The following DLAT variants were observed in gnomAD, a reference collection of about 807,000 sequenced individuals.
DLAT encodes the protein dihydrolipoyllysine-residue acetyltransferase component of pyruvate dehydrogenase complex, mitochondrial.
Under a neutral mutation model 68.0 loss-of-function variants are expected in DLAT, and 43 were observed. That is an observed-to-expected ratio of 0.63 (90% CI 0.50 to 0.81). DLAT has a LOEUF of 0.81. Among genes scored for constraint, DLAT ranks in the 40% least tolerant of loss-of-function variants. The probability of loss-of-function intolerance (pLI) is 0.00; values close to 1 mark genes in which losing one functional copy is unlikely to be tolerated. For synonymous variants in DLAT, 265 were observed against 288.6 expected (o/e 0.92, Z 0.83); for missense variants, 745 against 815.4 (o/e 0.91, Z 1.05).
chr11:112,039,561 CCA>C (rs1200511822), intron 7 of DLAT, among the ~76,000 whole-genome samples, 164 bp downstream of exon 7: 2 of 152,184 alleles, frequency 1.3e-5, no homozygotes, highest in Non-Finnish European at 2.9e-5. Context: ...TTTGTTGCCA[CCA>C]CAGAGTAGGG....
In DLAT at chr11:112,051,868, CAAA is replaced by C. The variant is rs1659822115; in HGVS notation, c.1514+521_1514+523del. 6.6e-6 allele frequency among the ~76,000 whole-genome samples: 1 copy of C among 152,152 alleles called. No individual in the cohort carries two copies. Among genetic ancestry groups the C allele is most frequent in the African/African-American group, 2.4e-5 (1 of 41,434 alleles). On this transcript the variant is annotated intron_variant, in intron 11 of 13. Coordinates refer to ENST00000280346, the MANE Select transcript of DLAT (RefSeq NM_001931.5). The surrounding 1 kb of genome is among the most constrained non-coding windows in gnomAD (Gnocchi z 4.3). Reference sequence around the variant, plus strand: ...TTTTCATTCTCCTGAACTTTACGGGCAAAATTAGAACAGTAATTGTTAATAATA... The same window carrying C: ...TTTTCATTCTCCTGAACTTTACGGGCATTAGAACAGTAATTGTTAATAATA...
At chr11:112,060,644 T>TGTATGTAATTTTGTGTGTG (rs1555183131) in intron 12 of DLAT, among the ~76,000 whole-genome samples, 25 of 152,166 alleles carry the variant, frequency 1.6e-4, no homozygotes, top group Non-Finnish European at 2.2e-4. Flanking sequence ...GTGTATGTTT[T>TGTATGTAATTTTGTGTGTG]TAGTAGTGTC....
chr11:112,045,831 A>G (rs1863286679), intron 9 of DLAT, 32 bp from the exon 10 acceptor site: 3 of 1,414,986 alleles, frequency 2.1e-6, no homozygotes, highest in Admixed American at 3.4e-5. Context: ...TTAACTCAAG[A>G]TAATTGATTT....
At chr11:112,037,219 T>C (rs1488138677) in intron 5 of DLAT, 54 bp from the exon 6 acceptor site, 9 of 1,533,770 alleles carry the variant, frequency 5.9e-6, no homozygotes, top group Non-Finnish European at 7.2e-6. Context: ...GCTGTGAGTT[T>C]GGAGGGATAG....
At chr11:112,026,053 C>G in intron 1 of DLAT, 145 bp from the exon 2 acceptor site, 1 of 792,558 alleles carries the variant, frequency 1.3e-6, no homozygotes, top group South Asian at 1.5e-5. Context: ...TTCTCATGGA[C>G]AGGAACTCCC....
At position 112,039,418 on chromosome 11, in the gene DLAT, T is replaced by C. The variant is rs782461159; in HGVS notation, c.1129+21T>C. The stretch of plus-strand genomic sequence containing the variant: ...AAAAGGTAAATCTGTTTCTATAGAA[T>C]GGACTTTATAAAGTTAAAATTTAGT... On this transcript the variant is annotated intron_variant, in intron 7 of 13. Transcript: ENST00000280346. 5 of 1,613,242 alleles carry C rather than the reference T, an allele frequency of 3.1e-6. No individual in the cohort carries two copies. The South Asian group carries it at 5.5e-5, about 18-fold the overall frequency.
chr11:112,055,804 T>A (rs12576402), intron 11 of DLAT, among the ~76,000 whole-genome samples: 3 of 148,948 alleles, frequency 2.0e-5, no homozygotes, highest in Admixed American at 6.8e-5. Context: ...AGGAATTTTT[T>A]TTTTAATATT....
chr11:112,025,439 C>T lies in DLAT; in HGVS notation c.-34C>T. 2 of 1,600,556 alleles carry T rather than the reference C, an allele frequency of 1.2e-6. No homozygotes were observed. Among genetic ancestry groups the T allele is most frequent in the Non-Finnish European group, 1.7e-6 (2 of 1,176,178 alleles). ...CTTGGAGAGGTCACTCCGGAGACGGCGTTGGTTTTGGGGTGTGGGGGGTTG... is the reference window on the plus strand; with the variant it reads ...CTTGGAGAGGTCACTCCGGAGACGGTGTTGGTTTTGGGGTGTGGGGGGTTG... On this transcript the variant is annotated 5_prime_UTR_variant, in exon 1 of 14. Transcript: ENST00000280346.
chr11:112,043,812 A>G (rs1863164656), intron 8 of DLAT, among the ~76,000 whole-genome samples: 1 of 152,168 alleles, frequency 6.6e-6, no homozygotes, highest in South Asian at 2.1e-4. Flanking sequence ...TCATCTCTAG[A>G]TTACTTATAA....
intron 7 of DLAT, among the ~76,000 whole-genome samples, chr11:112,040,954 C>T (rs1439487175): frequency 4.6e-5 from 7 of 151,830 alleles, no homozygotes; most frequent in Admixed American, 1.3e-4. Flanking sequence ...GAAAATCCCA[C>T]TGTTCTTACT....
At chr11:112,060,930 C>G in intron 12 of DLAT, 108 bp from the exon 13 acceptor site, 1 of 978,574 alleles carries the variant, frequency 1.0e-6, no homozygotes, top group Non-Finnish European at 1.5e-6. Context: ...TCAGGCCTTT[C>G]TTAAGACCTT....
chr11:112,046,563 C>T (rs1195607881), intron 10 of DLAT, among the ~76,000 whole-genome samples: 4 of 151,816 alleles, frequency 2.6e-5, no homozygotes, highest in Non-Finnish European at 5.9e-5. Context: ...TTTGCTGCAC[C>T]CACCAACCCA....
chr11:112,051,196 TAAAA>T lies in DLAT; in HGVS notation c.1399-35_1399-32del, dbSNP rs1863607817. The T allele has an allele frequency of 2.2e-6, 3 of 1,374,874 alleles. No individual in the cohort carries two copies. Among genetic ancestry groups the T allele is most frequent in the Non-Finnish European group, 3.0e-6 (3 of 985,770 alleles). The allele number at this position is 1,374,874 out of a possible 1,614,324, so 85.2% of individuals were successfully genotyped here. On this transcript the variant is annotated intron_variant, in intron 10 of 13. Transcript: ENST00000280346. The surrounding 1 kb of genome is among the most constrained non-coding windows in gnomAD (Gnocchi z 4.3). Reference sequence around the variant, plus strand: ...TGAAACTTAAAATTAAAATTAAAATTAAAAAAGAAGAAACTACAGTTCTTCTTGT... The same window carrying T: ...TGAAACTTAAAATTAAAATTAAAATTAAGAAGAAACTACAGTTCTTCTTGT...
chr11:112,058,762 G>A (rs1416740997), intron 11 of DLAT, among the ~76,000 whole-genome samples: 8 of 151,536 alleles, frequency 5.3e-5, no homozygotes, highest in African/African-American at 1.9e-4. Context: ...ATATCACATT[G>A]TAGTTGTATA....
chr11:112,052,665 T>G (rs587644349), intron 11 of DLAT, among the ~76,000 whole-genome samples: 2 of 152,280 alleles, frequency 1.3e-5, no homozygotes, highest in African/African-American at 4.8e-5. Flanking sequence ...TTAAATCTTG[T>G]TGAAGGGTCT....
intron 2 of DLAT, among the ~76,000 whole-genome samples, chr11:112,027,656 G>C (rs1203410779): frequency 5.9e-5 from 9 of 152,138 alleles, no homozygotes; most frequent in African/African-American, 2.2e-4. Context: ...CCGGCACCTC[G>C]GGAGGCCAAG....
chr11:112,026,865 G>A (rs587616889), intron 2 of DLAT, among the ~76,000 whole-genome samples: 67 of 152,030 alleles, frequency 4.4e-4, no homozygotes, highest in African/African-American at 1.6e-3. Flanking sequence ...CGGGCAGAGG[G>A]GCTCCTCACT....
Position 112,039,357 on chromosome 11 carries a change from G to GTTGGCAA in DLAT, c.1095_1096insATTGGCA (p.Val366IlefsTer8), listed in dbSNP as rs1566620894. On this transcript the variant is annotated frameshift_variant, in exon 7 of 14. Coordinates refer to ENST00000280346, the MANE Select transcript of DLAT (RefSeq NM_001931.5). LOFTEE classifies it high-confidence loss of function. ...TGTTTGTTAGCCCTCTTGCAAAGAA[G>GTTGGCAA]TTGGCAGTAGAGAAAGGGATTGATC... The GTTGGCAA allele has an allele frequency of 6.2e-7, 1 of 1,614,120 alleles. No individual in the cohort carries two copies. Among genetic ancestry groups the GTTGGCAA allele is most frequent in the Non-Finnish European group, 8.5e-7 (1 of 1,180,010 alleles).
chr11:112,057,171 CTGGT>C (rs1258553168), intron 11 of DLAT, among the ~76,000 whole-genome samples: 1 of 152,212 alleles, frequency 6.6e-6, no homozygotes, highest in Non-Finnish European at 1.5e-5. Context: ...TGTGTTCTGA[CTGGT>C]TGATAGAATT....
Sources: allele counts gnomAD v4.1 joint callset (sites outside exome capture counted in the v4.1 genomes callset), GRCh38; gene constraint gnomAD v4.1.1; non-coding constraint Gnocchi (gnomAD v3.1); transcripts MANE v1.5; gene names NCBI Gene and HGNC (gene_info 2026-07-23, HGNC 2026-07-21).